Variants in MCU observed in about 807,000 individuals in gnomAD.
MCU encodes the protein calcium uniporter protein, mitochondrial.
MCU carries 12 observed loss-of-function variants against 45.2 expected under a neutral mutation model. The ratio of observed to expected loss-of-function variants is 0.27; its 90% CI spans 0.17 to 0.43. The LOEUF is 0.43. MCU is among the 20% of genes least tolerant of loss of function. The pLI, the probability that MCU is intolerant of heterozygous loss-of-function variation, is 1.00. For missense variants in MCU, 324 were observed against 436.7 expected, an observed-to-expected ratio of 0.74 and a Z score of 2.30; for synonymous variants, 160 against 165.1, an observed-to-expected ratio of 0.97 and a Z score of 0.24.
At chr10:72,754,776 G>A (rs1352170073) in intron 1 of MCU, among the ~76,000 whole-genome samples, 1 of 152,154 alleles carries the variant, frequency 6.6e-6, no homozygotes, top group East Asian at 1.9e-4. Context: ...GTGGCAGTGA[G>A]CCATGAGTGC....
intron 1 of MCU, among the ~76,000 whole-genome samples, chr10:72,745,891 C>T (rs1033190207): frequency 1.3e-5 from 2 of 152,056 alleles, no homozygotes; most frequent in South Asian, 2.1e-4. Flanking sequence ...ATAATTTTGA[C>T]GTGTATAGTT....
intron 2 of MCU, among the ~76,000 whole-genome samples, chr10:72,843,562 C>T (rs1845077121): frequency 1.3e-5 from 2 of 152,160 alleles, no homozygotes; most frequent in African/African-American, 4.8e-5. Flanking sequence ...TACTGAAGGA[C>T]ATCTTGGTTG....
At chr10:72,759,060 T>C (rs1843617520) in intron 1 of MCU, among the ~76,000 whole-genome samples, 1 of 152,192 alleles carries the variant, frequency 6.6e-6, no homozygotes, top group African/African-American at 2.4e-5. Flanking sequence ...CAAGTCTGCA[T>C]GTAGGGTAAT....
At chr10:72,715,503 C>G (rs764532555) in intron 1 of MCU, among the ~76,000 whole-genome samples, 4 of 152,158 alleles carry the variant, frequency 2.6e-5, no homozygotes, top group Non-Finnish European at 5.9e-5. Flanking sequence ...CCCAATAAAT[C>G]AGAACTATGC....
chr10:72,733,229 C>T (rs566058154), intron 1 of MCU, among the ~76,000 whole-genome samples: 4 of 152,148 alleles, frequency 2.6e-5, no homozygotes, highest in East Asian at 1.9e-4. Flanking sequence ...GATGCTGAGG[C>T]GGGTGGATCA....
intron 1 of MCU, among the ~76,000 whole-genome samples, chr10:72,701,961 C>T (rs556025569): frequency 7.5e-4 from 114 of 152,186 alleles, no homozygotes; most frequent in Non-Finnish European, 1.5e-3. Context: ...CCCACCCAGC[C>T]GGGCGCTGTG....
chr10:72,832,944 G>GTGTGTGTGTGTGTGTGTGTGTGTC (rs1564569574), intron 1 of MCU, among the ~76,000 whole-genome samples: 1 of 151,742 alleles, frequency 6.6e-6, no homozygotes, highest in Admixed American at 6.6e-5. Context: ...ATGTGTGTGT[G>GTGTGTGTGTGTGTGTGTGTGTGTC]TGTGTGTGTG....
chr10:72,704,822 G>A (rs1020086388), intron 1 of MCU, among the ~76,000 whole-genome samples: 1 of 148,494 alleles, frequency 6.7e-6, no homozygotes, highest in Non-Finnish European at 1.5e-5. Flanking sequence ...TCTGGTTCAA[G>A]CAGTTCTCCT....
rs945313955 is a variant in MCU, at chr10:72,887,254, C to G, written c.*1432C>G. 2 of 152,640 alleles carry G rather than the reference C, an allele frequency of 1.3e-5. No individual in the cohort carries two copies. Among genetic ancestry groups the G allele is most frequent in the Non-Finnish European group, 2.9e-5 (2 of 68,036 alleles). The allele number at this position is 152,640 out of a possible 1,614,324, so 9.5% of individuals were successfully genotyped here. On this transcript the variant is annotated 3_prime_UTR_variant, in exon 8 of 8. Coordinates refer to ENST00000373053, the MANE Select transcript of MCU (RefSeq NM_138357.3). Reference sequence around the variant, plus strand: ...GTATGAAAAGAAAAACTTTAAATGACAAACCCAGACTCCAGGTGCCTTGCA... The same window carrying G: ...GTATGAAAAGAAAAACTTTAAATGAGAAACCCAGACTCCAGGTGCCTTGCA...
intron 1 of MCU, among the ~76,000 whole-genome samples, chr10:72,760,860 T>C (rs1048607078): frequency 3.3e-5 from 5 of 151,896 alleles, no homozygotes; most frequent in African/African-American, 9.7e-5. Flanking sequence ...CCCATAGATA[T>C]TTTCATTCCT....
intron 1 of MCU, among the ~76,000 whole-genome samples, chr10:72,704,990 A>T (rs1325266361): frequency 6.6e-6 from 1 of 151,970 alleles, no homozygotes; most frequent in African/African-American, 2.4e-5. Flanking sequence ...AAGTGCTGGG[A>T]TTACAAGCAT....
At chr10:72,774,034 CTT>C (rs1467985721) in intron 1 of MCU, among the ~76,000 whole-genome samples, 1 of 152,118 alleles carries the variant, frequency 6.6e-6, no homozygotes, top group East Asian at 1.9e-4. Context: ...TAAAGGAAAA[CTT>C]TTCAACATAT....
intron 2 of MCU, among the ~76,000 whole-genome samples, chr10:72,846,381 T>C (rs552412761): frequency 1.3e-5 from 2 of 152,260 alleles, no homozygotes; most frequent in South Asian, 4.2e-4. Flanking sequence ...TTCTGAGTAG[T>C]GTGATGAAAT....
At chr10:72,696,353 T>C (rs1842687635) in intron 1 of MCU, among the ~76,000 whole-genome samples, 1 of 151,850 alleles carries the variant, frequency 6.6e-6, no homozygotes, top group Non-Finnish European at 1.5e-5. Flanking sequence ...TGTGAAGATC[T>C]GGCCTAAAAT....
At chr10:72,714,153 G>C (rs1842928332) in intron 1 of MCU, among the ~76,000 whole-genome samples, 1 of 151,444 alleles carries the variant, frequency 6.6e-6, no homozygotes, top group Non-Finnish European at 1.5e-5. Flanking sequence ...TTTTAGTAGC[G>C]ATGGGGTTTC....
chr10:72,795,443 T>C (rs908917405), intron 1 of MCU, among the ~76,000 whole-genome samples: 5 of 152,230 alleles, frequency 3.3e-5, no homozygotes, highest in South Asian at 2.1e-4. Flanking sequence ...TAGAAACTTT[T>C]CCATTAAAAC....
At chr10:72,782,518 C>A (rs539075359) in intron 1 of MCU, among the ~76,000 whole-genome samples, 1 of 152,096 alleles carries the variant, frequency 6.6e-6, no homozygotes, top group Non-Finnish European at 1.5e-5. Context: ...ATTACAGGCA[C>A]CTGCCACCAT....
At chr10:72,844,460 T>C (rs375501470) in intron 2 of MCU, among the ~76,000 whole-genome samples, 94 of 152,066 alleles carry the variant, frequency 6.2e-4, no homozygotes, top group African/African-American at 2.2e-3. Flanking sequence ...TTGTAGCTAC[T>C]CAGGAGGCTG....
intron 4 of MCU, among the ~76,000 whole-genome samples, chr10:72,866,879 C>T (rs1845465450): frequency 6.6e-6 from 1 of 151,862 alleles, no homozygotes; most frequent in Admixed American, 6.6e-5. Flanking sequence ...GAACAAGTTA[C>T]TTCAGCCTCC....
Sources: allele counts gnomAD v4.1 joint callset (sites outside exome capture counted in the v4.1 genomes callset), GRCh38; gene constraint gnomAD v4.1.1; transcripts MANE v1.5; gene names NCBI Gene and HGNC (gene_info 2026-07-23, HGNC 2026-07-21).